The following QKI variants were observed in gnomAD, a reference collection of about 807,000 sequenced individuals.
QKI encodes the protein QKI, KH domain containing RNA binding.
In QKI, 10 loss-of-function variants were observed where a neutral mutation model predicts 39.0. The observed-to-expected ratio is 0.26, with a 90% CI of 0.16 to 0.43. The LOEUF (loss-of-function observed/expected upper bound fraction) is 0.43, where lower values mean the gene tolerates loss of function less well. Ranked by LOEUF, QKI falls within the 20% of genes least tolerant of loss-of-function variation. The probability of loss-of-function intolerance (pLI) is 1.00; values close to 1 mark genes in which losing one functional copy is unlikely to be tolerated. For missense variants in QKI, 218 were observed against 428.0 expected, an observed-to-expected ratio of 0.51 and a Z score of 4.33; for synonymous variants, 204 against 155.4, an observed-to-expected ratio of 1.31 and a Z score of -2.33.
rs906074435 is a variant in QKI at position 163,573,762 on chromosome 6, A to T, written c.*3052A>T. 6.6e-6 allele frequency: 1 copy of T among 152,184 alleles called. No individual in the cohort carries two copies. The highest frequency in any genetic ancestry group is 1.5e-5 in the Non-Finnish European group (1 of 68,032). 9.4% of individuals were successfully genotyped at this position (152,184 alleles called of 1,614,324 possible). On this transcript the variant is annotated 3_prime_UTR_variant, in exon 8 of 8. Coordinates refer to ENST00000361752, the MANE Select transcript of QKI (RefSeq NM_006775.3). ...TTCTTTGCTGTTTCTATTAACCCAC[A>T]GCATTATTTTAATAAATGTTATAAT... is the stretch of plus-strand genomic sequence containing the variant.
At chr6:163,450,150 C>T (rs572435664) in intron 1 of QKI, among the ~76,000 whole-genome samples, 4 of 152,004 alleles carry the variant, frequency 2.6e-5, no homozygotes, top group South Asian at 2.1e-4. Flanking sequence ...CTCTGTCTCC[C>T]GAGTTTAAGC....
Position 163,500,090 on chromosome 6 carries a change from G to T in QKI, c.402+21194G>T, listed in dbSNP as rs1310200854. The stretch of plus-strand genomic sequence containing the variant: ...AAAAGCTCTCAGTTGTGAATGTGAT[G>T]GGACTGTCCAAGGAATAGCAAAGTC... On this transcript the variant is annotated intron_variant, in intron 3 of 7. Coordinates refer to ENST00000361752, the MANE Select transcript of QKI (RefSeq NM_006775.3). Among the ~76,000 whole-genome samples, 3 of 152,122 alleles carry T rather than the reference G, an allele frequency of 2.0e-5. No individual in the cohort carries two copies. In the South Asian group the frequency reaches 6.2e-4, roughly 31 times the overall value.
At chr6:163,526,351 A>G (rs1358026598) in intron 3 of QKI, among the ~76,000 whole-genome samples, 2 of 152,192 alleles carry the variant, frequency 1.3e-5, no homozygotes, top group East Asian at 1.9e-4. Flanking sequence ...TAAAACAATT[A>G]TTTCATTTTT....
intron 3 of QKI, among the ~76,000 whole-genome samples, chr6:163,504,108 T>C (rs1778951613): frequency 6.6e-6 from 1 of 152,122 alleles, no homozygotes; most frequent in African/African-American, 2.4e-5. Context: ...GCTAGCCAGC[T>C]CTCCCAGCAC....
rs1327983735 is a variant in QKI, at chr6:163,572,982, A to G, written c.*2272A>G. The G allele has an allele frequency of 6.6e-6, 1 of 152,130 alleles. No homozygotes were observed. The allele number at this position is 152,130 out of a possible 1,614,324, so 9.4% of individuals were successfully genotyped here. The stretch of plus-strand genomic sequence containing the variant: ...TGGTTGAATAAATTTGCGACACTCA[A>G]ACACTTGAGGTGATAGTTGTTAAAA... On this transcript the variant is annotated 3_prime_UTR_variant, in exon 8 of 8. Transcript: ENST00000361752.
chr6:163,493,021 T>G (rs920377632), intron 3 of QKI, among the ~76,000 whole-genome samples: 1 of 152,170 alleles, frequency 6.6e-6, no homozygotes, highest in African/African-American at 2.4e-5. Context: ...AAATCTAATC[T>G]TCCCCATTTA....
At chr6:163,494,937 A>G (rs1778309203) in intron 3 of QKI, among the ~76,000 whole-genome samples, 1 of 150,708 alleles carries the variant, frequency 6.6e-6, no homozygotes, top group Non-Finnish European at 1.5e-5. Context: ...TTTTTTTGAG[A>G]CAGAGTCACA....
chr6:163,568,429 G>A (rs542113185), intron 7 of QKI: 299 of 985,104 alleles, frequency 3.0e-4, no homozygotes, highest in Non-Finnish European at 3.4e-4. Context: ...TGGATCTTTT[G>A]TAGTTACGTG....
chr6:163,510,588 A>T (rs1421664446), intron 3 of QKI, among the ~76,000 whole-genome samples: 7 of 152,152 alleles, frequency 4.6e-5, no homozygotes, highest in African/African-American at 1.7e-4. Context: ...TTTACAGAGA[A>T]ATACTAGACA....
intron 1 of QKI, among the ~76,000 whole-genome samples, chr6:163,441,029 A>G (rs1789727054): frequency 6.6e-6 from 1 of 152,174 alleles, no homozygotes. Flanking sequence ...TGTGCAGGCT[A>G]TGAATATAGG....
At chr6:163,531,561 C>G (rs544869774) in intron 3 of QKI, among the ~76,000 whole-genome samples, 1 of 152,288 alleles carries the variant, frequency 6.6e-6, no homozygotes, top group East Asian at 1.9e-4. Flanking sequence ...AAATAAGTTT[C>G]TTTCTTAACT....
At chr6:163,426,400 A>G (rs1788409631) in intron 1 of QKI, among the ~76,000 whole-genome samples, 1 of 152,218 alleles carries the variant, frequency 6.6e-6, no homozygotes, top group Non-Finnish European at 1.5e-5. Context: ...GTACTTTGTT[A>G]TCTTACATCA....
intron 7 of QKI, chr6:163,569,470 A>T (rs1562556518): frequency 7.8e-7 from 1 of 1,279,704 alleles, no homozygotes; most frequent in Non-Finnish European, 1.0e-6. Flanking sequence ...AATTCTATCA[A>T]ACCTCAGAAT....
At chr6:163,417,935 C>T (rs1787663689) in intron 1 of QKI, among the ~76,000 whole-genome samples, 1 of 152,098 alleles carries the variant, frequency 6.6e-6, no homozygotes, top group Non-Finnish European at 1.5e-5. Context: ...TTGTTATAAA[C>T]TTAATTTGAC....
intron 2 of QKI, among the ~76,000 whole-genome samples, chr6:163,463,104 A>G (rs1193597347): frequency 6.6e-6 from 1 of 152,248 alleles, no homozygotes; most frequent in Non-Finnish European, 1.5e-5. Flanking sequence ...ACTAATTCTG[A>G]AAGTAAACTT....
intron 3 of QKI, among the ~76,000 whole-genome samples, chr6:163,510,870 CA>C (rs1434348669): frequency 6.7e-6 from 1 of 149,798 alleles, no homozygotes; most frequent in Non-Finnish European, 1.5e-5. Flanking sequence ...ACTCTTTCAG[CA>C]ACTAATAAAA....
At chr6:163,481,649 T>A (rs1285264037) in intron 3 of QKI, among the ~76,000 whole-genome samples, 3 of 152,220 alleles carry the variant, frequency 2.0e-5, no homozygotes. Context: ...AGCAAGTAAG[T>A]TAATATGCCA....
intron 1 of QKI, 58 bp from the exon 2 acceptor site, chr6:163,455,221 C>T: frequency 6.9e-7 from 1 of 1,445,016 alleles, no homozygotes; most frequent in East Asian, 2.4e-5. Flanking sequence ...CTTTTTTCCT[C>T]TGGACTAGCA....
Position 163,436,004 on chromosome 6 carries a change from C to G in QKI, c.143-19275C>G, listed in dbSNP as rs901865527. Among the ~76,000 whole-genome samples the G allele has an allele frequency of 2.0e-5, 3 of 152,102 alleles. No individual in the cohort carries two copies. In the East Asian group the frequency reaches 5.8e-4, roughly 29 times the overall value. On this transcript the variant is annotated intron_variant, in intron 1 of 7. Coordinates refer to ENST00000361752, the MANE Select transcript of QKI (RefSeq NM_006775.3). ...AACCAAACCCTTGATTCAGTACACACTATTTAAAGTGTTTAATCCAGAATT... is the reference window on the plus strand; with the variant it reads ...AACCAAACCCTTGATTCAGTACACAGTATTTAAAGTGTTTAATCCAGAATT...
Sources: gnomAD v4.1 joint callset for allele counts (sites outside exome capture counted in the v4.1 genomes callset) on GRCh38, gnomAD v4.1.1 for gene constraint, MANE v1.5 for transcripts, NCBI Gene and HGNC (gene_info 2026-07-23, HGNC 2026-07-21) for gene names.